TPM2: variants seen among roughly 807,000 people sequenced by gnomAD.
TPM2 encodes the protein tropomyosin 2.
Under a neutral mutation model 41.0 loss-of-function variants are expected in TPM2, and 26 were observed. The observed-to-expected ratio is 0.63, with a 90% CI of 0.46 to 0.88. TPM2 has a LOEUF of 0.88. Among genes scored for constraint, TPM2 ranks in the 40% least tolerant of loss-of-function variants. The pLI is 0.00. For synonymous variants in TPM2, 143 were observed against 139.3 expected (o/e 1.03, Z -0.19); for missense variants, 187 against 355.2 (o/e 0.53, Z 3.81).
At chr9:35,683,864 T>G (rs943546397) in intron 8 of TPM2, among the ~76,000 whole-genome samples, 3 of 152,170 alleles carry the variant, frequency 2.0e-5, no homozygotes, top group Admixed American at 6.5e-5. Flanking sequence ...TGCGTTACAC[T>G]CGGGGACGGA....
upstream of TPM2, chr9:35,689,957 G>GCGGGGAGGGA: frequency 6.4e-7 from 1 of 1,559,634 alleles, no homozygotes. Flanking sequence ...CGCCTAAAAG[G>GCGGGGAGGGA]CGGGGAGGGA....
chr9:35,689,666 G>C (rs1277425317), intron 1 of TPM2, 38 bp downstream of exon 1: 1 of 1,608,742 alleles, frequency 6.2e-7, no homozygotes, highest in Non-Finnish European at 8.5e-7. Context: ...CTTGCCCTAG[G>C]CGCGGGGAGA....
Position 35,685,625 on chromosome 9 carries a change from C to T in TPM2, c.374+22G>A. On this transcript the variant is annotated intron_variant, in intron 3 of 8. Transcript: ENST00000645482. The surrounding 1 kb of genome is among the most constrained non-coding windows in gnomAD (Gnocchi z 5.0). Reference sequence around the variant, plus strand: ...GGCTCCCTTCTCCCTCCCGGACCATCCTCCCCGAGGCCCCTGACCACCTCT... The same window carrying T: ...GGCTCCCTTCTCCCTCCCGGACCATTCTCCCCGAGGCCCCTGACCACCTCT... 6.2e-7 allele frequency: 1 copy of T among 1,614,182 alleles called. No individual in the cohort carries two copies.
intron 2 of TPM2, among the ~76,000 whole-genome samples, chr9:35,687,032 G>A (rs1824959645): frequency 6.6e-6 from 1 of 152,154 alleles, no homozygotes; most frequent in South Asian, 2.1e-4. Context: ...GTGTAACTGT[G>A]GGCAACTTAT....
At chr9:35,687,920 G>A (rs1247404722) in intron 2 of TPM2, among the ~76,000 whole-genome samples, 1 of 152,070 alleles carries the variant, frequency 6.6e-6, no homozygotes, top group Non-Finnish European at 1.5e-5. Flanking sequence ...TAGAAAAATG[G>A]GAAGCAAGAG....
rs377242459 is a variant in TPM2 at position 35,689,882 on chromosome 9, G to T, written c.-65C>A. ...ACCGGACGGACTGGGCTGGGTGAGC[G>T]GACTGGGTGCACCGGTGGCAGGCGA... On this transcript the variant is annotated 5_prime_UTR_variant, in exon 1 of 9. Transcript: ENST00000645482. The T allele has an allele frequency of 1.2e-6, 2 of 1,610,066 alleles. No individual in the cohort carries two copies. Among genetic ancestry groups the T allele is most frequent in the East Asian group, 2.2e-5 (1 of 44,772 alleles).
intron 2 of TPM2, 109 bp downstream of exon 2, chr9:35,689,037 G>A: frequency 1.5e-6 from 2 of 1,302,836 alleles, no homozygotes; most frequent in Admixed American, 3.4e-5. Flanking sequence ...TTCTCTCCTG[G>A]CGCTGGGGAC....
rs1206683621 is a variant in TPM2 at position 35,685,342 on chromosome 9, G to A, written c.493-3C>T. 1 of 1,614,208 alleles carries A rather than the reference G, an allele frequency of 6.2e-7. No homozygotes were observed. Among genetic ancestry groups the A allele is most frequent in the South Asian group, 1.1e-5 (1 of 91,090 alleles). The stretch of plus-strand genomic sequence containing the variant: ...AGGATCACCAGCTTCCTGGCCACCT[G>A]TGGGGAGTGAGAAAGAGAGGGTAGA... On this transcript the variant is annotated splice_region_variant and splice_polypyrimidine_tract_variant and intron_variant, in intron 4 of 8. Transcript: ENST00000645482. This position sits in a 1 kb window ranked among gnomAD's most constrained non-coding sequence, Gnocchi z 5.0.
chr9:35,682,252 T>G, downstream of TPM2: 1 of 1,396,014 alleles, frequency 7.2e-7, no homozygotes, highest in South Asian at 1.2e-5. Context: ...CATATAGACA[T>G]GGAGTGGGTC....
rs528068364 is a variant in TPM2 at position 35,685,346 on chromosome 9, GGAGT to G, written c.493-11_493-8del. 3.2e-4 allele frequency: 511 copies of G among 1,614,186 alleles called. 1 individual carries two copies. The African/African-American group carries it at 6.0e-3, about 19-fold the overall frequency. On this transcript the variant is annotated splice_polypyrimidine_tract_variant and splice_region_variant and intron_variant, in intron 4 of 8. Transcript: ENST00000645482. This position sits in a 1 kb window ranked among gnomAD's most constrained non-coding sequence, Gnocchi z 5.0. Reference sequence around the variant, plus strand: ...TCACCAGCTTCCTGGCCACCTGTGGGGAGTGAGAAAGAGAGGGTAGATCAGTGGA... The same window carrying G: ...TCACCAGCTTCCTGGCCACCTGTGGGGAGAAAGAGAGGGTAGATCAGTGGA...
At chr9:35,684,387 C>A in intron 7 of TPM2, 72 bp from the exon 8 acceptor site, 1 of 1,611,196 alleles carries the variant, frequency 6.2e-7, no homozygotes, top group Non-Finnish European at 8.5e-7. Context: ...CTAAGTCAAG[C>A]TTCTTGTCCA....
At position 35,685,295 on chromosome 9, in the gene TPM2, C is replaced by T. The variant is rs758819415; in HGVS notation, c.537G>A (p.Ser179=). ...LVILEGELER[S]EERAEVAESK... is the part of the protein sequence containing the mutation. ...TCTCGGCCACCTCAGCCCTCTCCTC[C>T]GAGCGCTCCAGCTCTCCTTCCAGGA... The change falls in exon 5 of 9, where the codon TCG becomes TCA. Residue 179 remains serine, a synonymous_variant. Coordinates refer to ENST00000645482, the MANE Select transcript of TPM2 (RefSeq NM_003289.4). The surrounding 1 kb of genome is among the most constrained non-coding windows in gnomAD (Gnocchi z 5.0). 19 of 1,614,090 alleles carry T rather than the reference C, an allele frequency of 1.2e-5. No individual in the cohort carries two copies. The highest frequency in any genetic ancestry group is 1.5e-5 in the Non-Finnish European group (18 of 1,180,044).
upstream of TPM2, chr9:35,689,992 C>A (rs1283882606): frequency 1.2e-5 from 18 of 1,464,092 alleles, no homozygotes; most frequent in Non-Finnish European, 1.4e-5. Context: ...CAACCAGGAC[C>A]CTCCCCCACC....
In TPM2 at chr9:35,687,031, T is replaced by C. The variant is rs1443010019; in HGVS notation, c.241-1251A>G. ...CAGCCACTCAACACCTGTGTAACTG[T>C]GGGCAACTTATTTAGCCTCTCTAAG... On this transcript the variant is annotated intron_variant, in intron 2 of 8. Coordinates refer to ENST00000645482, the MANE Select transcript of TPM2 (RefSeq NM_003289.4). Among the ~76,000 whole-genome samples the C allele has an allele frequency of 2.0e-5, 3 of 152,358 alleles. No homozygotes were observed. In the East Asian group the frequency reaches 5.8e-4, roughly 29 times the overall value.
At chr9:35,686,923 G>T (rs750614006) in intron 2 of TPM2, among the ~76,000 whole-genome samples, 1 of 152,174 alleles carries the variant, frequency 6.6e-6, no homozygotes, top group Non-Finnish European at 1.5e-5. Context: ...CAAGGCGAGC[G>T]CCAGTAAAGG....
At position 35,684,531 on chromosome 9, in the gene TPM2, T is replaced by C. The variant is rs755847132; in HGVS notation, c.659A>G (p.Lys220Arg). The C allele has an allele frequency of 6.2e-7, 1 of 1,614,142 alleles. No individual in the cohort carries two copies. The highest frequency in any genetic ancestry group is 8.5e-7 in the Non-Finnish European group (1 of 1,180,036). Reference sequence around the variant, plus strand: ...CAACAGTTTGATCTCCTCTTCATATTTATCTTCTTTGGTGGAATACTTTTG... The same window carrying C: ...CAACAGTTTGATCTCCTCTTCATATCTATCTTCTTTGGTGGAATACTTTTG... The part of the protein sequence containing the change: ...QADKYSTKED[K>R]YEEEIKLLEE... Residue 220 changes from lysine to arginine, a missense_variant, in exon 7 of 9, where the codon AAA (lysine) becomes AGA (arginine). By Grantham distance (26) the Lys-to-Arg change is conservative. Transcript: ENST00000645482.
At position 35,689,288 on chromosome 9, in the gene TPM2, T is replaced by C; in HGVS notation, c.115-17A>G. On this transcript the variant is annotated splice_polypyrimidine_tract_variant and intron_variant, in intron 1 of 8. Transcript: ENST00000645482. ...CTCCTCCAGCTGGGACAGAGGGGACTTGGTCAGCCAGGCTGGGAGGGGGCC... is the reference window on the plus strand; with the variant it reads ...CTCCTCCAGCTGGGACAGAGGGGACCTGGTCAGCCAGGCTGGGAGGGGGCC... 1 of 1,614,038 alleles carries C rather than the reference T, an allele frequency of 6.2e-7. No individual in the cohort carries two copies. The highest frequency in any genetic ancestry group is 8.5e-7 in the Non-Finnish European group (1 of 1,179,962).
chr9:35,684,895 G>GAGAGA, intron 5 of TPM2, 88 bp from the exon 6 acceptor site: 1 of 1,612,402 alleles, frequency 6.2e-7, no homozygotes, highest in Non-Finnish European at 8.5e-7. Context: ...ACGGGTGGAG[G>GAGAGA]AGAGAAGAGA....
In TPM2 at chr9:35,685,361, G is replaced by C. The variant is rs774170377; in HGVS notation, c.493-22C>G. 2.5e-6 allele frequency: 4 copies of C among 1,614,114 alleles called. No individual in the cohort carries two copies. The highest frequency in any genetic ancestry group is 1.3e-5 in the African/African-American group (1 of 74,932). On this transcript the variant is annotated intron_variant, in intron 4 of 8. Coordinates refer to ENST00000645482, the MANE Select transcript of TPM2 (RefSeq NM_003289.4). The surrounding 1 kb of genome is among the most constrained non-coding windows in gnomAD (Gnocchi z 5.0). ...CCACCTGTGGGGAGTGAGAAAGAGA[G>C]GGTAGATCAGTGGAGAAGGACTGGG...
Sources: gnomAD v4.1 joint callset for allele counts (sites outside exome capture counted in the v4.1 genomes callset) on GRCh38, gnomAD v4.1.1 for gene constraint, Gnocchi (gnomAD v3.1) non-coding constraint, MANE v1.5 for transcripts, NCBI Gene and HGNC (gene_info 2026-07-23, HGNC 2026-07-21) for gene names.